Variants in PSMA6 observed in about 807,000 individuals in gnomAD.
The protein encoded by PSMA6 is proteasome subunit alpha type-6.
For missense variants in PSMA6, 170 were observed against 294.8 expected (o/e 0.58, Z 3.10); for synonymous variants, 88 against 97.7 (o/e 0.90, Z 0.59).
upstream of PSMA6, among the ~76,000 whole-genome samples, chr14:35,290,449 C>G (rs539326036): frequency 1.3e-5 from 2 of 152,326 alleles, no homozygotes; most frequent in African/African-American, 4.8e-5. Flanking sequence ...GGAAAGTACC[C>G]TTTGTGCCAG....
chr14:35,299,834 C>A (rs1015550960), intron 1 of PSMA6, among the ~76,000 whole-genome samples: 1 of 152,080 alleles, frequency 6.6e-6, no homozygotes, highest in Non-Finnish European at 1.5e-5. Context: ...TTTATACAAG[C>A]CTTTACTGAA....
intron 1 of PSMA6, among the ~76,000 whole-genome samples, chr14:35,304,212 A>G (rs1298842196): frequency 1.3e-5 from 2 of 152,090 alleles, no homozygotes; most frequent in Non-Finnish European, 2.9e-5. Flanking sequence ...ACTTCAGGTG[A>G]TCTGCCTGTC....
At position 35,314,563 on chromosome 14, in the gene PSMA6, TTTTG is replaced by T; in HGVS notation, c.683+114_683+117del. 4.6e-6 allele frequency: 6 copies of T among 1,317,378 alleles called. No individual in the cohort carries two copies. The South Asian group carries it at 1.3e-4, about 28-fold the overall frequency. 81.6% of individuals were successfully genotyped at this position (1,317,378 alleles called of 1,614,324 possible). Reference sequence around the variant, plus strand: ...TTTTTTCTTTAACTGTCATTATAGTTTTTGTTTGTGTGTTTGTTTTTTTCCCCAG... The same window carrying T: ...TTTTTTCTTTAACTGTCATTATAGTTTTTGTGTGTTTGTTTTTTTCCCCAG... On this transcript the variant is annotated intron_variant, in intron 6 of 6. Coordinates refer to ENST00000261479, the MANE Select transcript of PSMA6 (RefSeq NM_002791.3).
intron 1 of PSMA6, 103 bp downstream of exon 1, chr14:35,292,655 G>A (rs1013756554): frequency 3.8e-5 from 59 of 1,534,836 alleles, no homozygotes; most frequent in Non-Finnish European, 4.8e-5. Context: ...GCCGAAGCTG[G>A]GCTGGAGCTG....
upstream of PSMA6, among the ~76,000 whole-genome samples, chr14:35,288,105 T>C (rs1184605415): frequency 1.3e-5 from 2 of 152,182 alleles, no homozygotes; most frequent in Non-Finnish European, 2.9e-5. Context: ...ATTAACATAA[T>C]AGAAAACCTA....
intron 1 of PSMA6, among the ~76,000 whole-genome samples, chr14:35,299,195 T>A (rs1240781375): frequency 1.3e-5 from 2 of 152,008 alleles, no homozygotes; most frequent in African/African-American, 4.8e-5. Context: ...CTCAGATAAC[T>A]TTTTATTTTT....
chr14:35,311,377 A>G (rs997366772), intron 4 of PSMA6, among the ~76,000 whole-genome samples: 2 of 152,248 alleles, frequency 1.3e-5, no homozygotes. Flanking sequence ...ACTGATTTTT[A>G]GATGTGATGT....
chr14:35,298,206 G>A (rs2051635944), intron 1 of PSMA6, among the ~76,000 whole-genome samples: 1 of 152,044 alleles, frequency 6.6e-6, no homozygotes, highest in African/African-American at 2.4e-5. Flanking sequence ...ACTGGAAAAT[G>A]GGGCCGGACA....
intron 5 of PSMA6, 27 bp from the exon 6 acceptor site, chr14:35,314,334 A>T: frequency 6.4e-7 from 1 of 1,572,538 alleles, no homozygotes; most frequent in Non-Finnish European, 8.6e-7. Flanking sequence ...AAAATACTAT[A>T]TTTTAACATT....
intron 1 of PSMA6, among the ~76,000 whole-genome samples, chr14:35,294,663 T>C (rs2051548290): frequency 6.6e-6 from 1 of 152,212 alleles, no homozygotes; most frequent in Non-Finnish European, 1.5e-5. Flanking sequence ...TAGTAAATGC[T>C]CAGTGAATGT....
chr14:35,315,752 C>G (rs947286307), intron 6 of PSMA6: 27 of 151,474 alleles, frequency 1.8e-4, no homozygotes, highest in African/African-American at 6.5e-4. Flanking sequence ...TAAAATCTCT[C>G]TAAGGAACCT....
intron 1 of PSMA6, among the ~76,000 whole-genome samples, chr14:35,300,741 C>T (rs1445315444): frequency 1.3e-5 from 2 of 152,168 alleles, no homozygotes; most frequent in African/African-American, 2.4e-5. Flanking sequence ...TTCCCACGCA[C>T]TTTCCCCGCT....
In PSMA6 at chr14:35,298,728, T is replaced by TTTATTA. The variant is rs34505017; in HGVS notation, c.76+6191_76+6196dup. On this transcript the variant is annotated intron_variant, in intron 1 of 6. Transcript: ENST00000261479. ...AAACTATTATTTTTATCTTTATTTC[T>TTTATTA]TTATTATTATTATTATTATTTTGGA... 1.8e-3 allele frequency among the ~76,000 whole-genome samples: 278 copies of TTTATTA among 151,264 alleles called. 1 individual carries two copies. Among genetic ancestry groups the TTTATTA allele is most frequent in the South Asian group, 0.014 (65 of 4,810 alleles).
At position 35,283,990 on chromosome 14, in the gene PSMA6, A is replaced by G. The variant is rs151278788; in HGVS notation, c.19+5272A>G. ...AATAGCCTCCTGGCTGATGTCCCCA[A>G]TGACAGTTCCTCATAAATACAGCTA... On this transcript the variant is annotated intron_variant, in intron 1 of 6. Coordinates refer to the PSMA6 transcript ENST00000540871. Among the ~76,000 whole-genome samples the G allele has an allele frequency of 2.2e-3, 335 of 152,268 alleles. 1 individual carries two copies. Among genetic ancestry groups the G allele is most frequent in the African/African-American group, 5.9e-3 (246 of 41,552 alleles).
chr14:35,289,485 T>C (rs2051454117), upstream of PSMA6, among the ~76,000 whole-genome samples: 1 of 151,938 alleles, frequency 6.6e-6, no homozygotes, highest in Non-Finnish European at 1.5e-5. Context: ...GTGCACACCA[T>C]TACTGCATGG....
intron 1 of PSMA6, among the ~76,000 whole-genome samples, chr14:35,284,576 A>C (rs1470910956): frequency 6.6e-6 from 1 of 152,182 alleles, no homozygotes; most frequent in African/African-American, 2.4e-5. Flanking sequence ...TCTTGCCCAA[A>C]GAGGGAGCTC....
At chr14:35,297,391 A>G (rs1229677870) in intron 1 of PSMA6, among the ~76,000 whole-genome samples, 3 of 151,530 alleles carry the variant, frequency 2.0e-5, no homozygotes, top group South Asian at 2.1e-4. Flanking sequence ...AATTTTTTAT[A>G]TTTTTAGTAG....
intron 4 of PSMA6, among the ~76,000 whole-genome samples, chr14:35,312,506 CAAAAAAAAAA>C (rs200184285): frequency 1.0e-4 from 10 of 100,252 alleles, no homozygotes; most frequent in African/African-American, 3.7e-4. Context: ...GAGTCTGTCT[CAAAAAAAAAA>C]AAAAAAAAAA....
At chr14:35,307,936 C>A (rs1398967705) in intron 1 of PSMA6, 58 bp from the exon 2 acceptor site, 3 of 1,502,336 alleles carry the variant, frequency 2.0e-6, no homozygotes, top group Admixed American at 1.7e-5. Flanking sequence ...ACTATTATTT[C>A]ATTGCAAGAA....
Sources: allele counts gnomAD v4.1 joint callset (sites outside exome capture counted in the v4.1 genomes callset), GRCh38; gene constraint gnomAD v4.1.1; transcripts MANE v1.5; gene names NCBI Gene and HGNC (gene_info 2026-07-23, HGNC 2026-07-21).